Variants in ABCC12 observed in about 807,000 individuals in gnomAD.
The protein encoded by ABCC12 is ATP-binding cassette sub-family C member 12.
In ABCC12, 142 loss-of-function variants were observed where a neutral mutation model predicts 151.1. The observed-to-expected ratio is 0.94, with a 90% CI of 0.82 to 1.08. The LOEUF is 1.08. ABCC12 is among the 50% of genes least tolerant of loss of function. The pLI is 0.00. For synonymous variants in ABCC12, 645 were observed against 646.4 expected, an observed-to-expected ratio of 1.00 and a Z score of 0.03; for missense variants, 1,638 against 1,691.1, an observed-to-expected ratio of 0.97 and a Z score of 0.55.
chr16:48,140,587 C>G, intron 6 of ABCC12, 100 bp downstream of exon 6: 1 of 1,182,386 alleles, frequency 8.5e-7, no homozygotes, highest in Non-Finnish European at 1.2e-6. Flanking sequence ...CATAGACAAG[C>G]AAAAGGAAGG....
intron 1 of ABCC12, among the ~76,000 whole-genome samples, chr16:48,154,369 C>T (rs1007734810): frequency 2.0e-5 from 3 of 151,810 alleles, no homozygotes; most frequent in South Asian, 2.1e-4. Context: ...GGAGATACCA[C>T]ATTAAAAAAA....
intron 9 of ABCC12, among the ~76,000 whole-genome samples, 159 bp from the exon 10 acceptor site, chr16:48,131,054 G>A (rs549598463): frequency 6.6e-6 from 1 of 152,320 alleles, no homozygotes; most frequent in Non-Finnish European, 1.5e-5. Flanking sequence ...AGAAACCATC[G>A]GTTGGCCAGC....
rs746792721 is a variant in ABCC12 at position 48,155,939 on chromosome 16, G to A, written c.-418C>T. 4 of 152,364 alleles carry A rather than the reference G, an allele frequency of 2.6e-5. No homozygotes were observed. The highest frequency in any genetic ancestry group is 5.9e-5 in the Non-Finnish European group (4 of 68,174). 9.4% of individuals were successfully genotyped at this position (152,364 alleles called of 1,614,324 possible). On this transcript the variant is annotated 5_prime_UTR_variant, in exon 1 of 31. Coordinates refer to ENST00000311303, the MANE Select transcript of ABCC12 (RefSeq NM_001393797.1). ...GACTCCAGGGCCTGCTTCTCCCCAAGGACCTCAGATTCAGTTTCTCTTGTC... is the reference window on the plus strand; with the variant it reads ...GACTCCAGGGCCTGCTTCTCCCCAAAGACCTCAGATTCAGTTTCTCTTGTC...
At position 48,140,780 on chromosome 16, in the gene ABCC12, G is replaced by A. The variant is rs1390897070; in HGVS notation, c.564C>T (p.Tyr188=). 6.2e-7 allele frequency: 1 copy of A among 1,614,234 alleles called. No homozygotes were observed. The highest frequency in any genetic ancestry group is 1.6e-4 in the Middle Eastern group (1 of 6,062). ...FFWALAWAIN[Y]RTAIRLKVAL... ...CCACCTTCAACCGGATGGCCGTGCG[G>A]TAGTTGATGGCCCAGGCAAGGGCCC... Residue 188 remains tyrosine, a synonymous_variant, in exon 6 of 31, where the codon TAC becomes TAT. Transcript: ENST00000311303.
chr16:48,083,733 T>A lies in ABCC12; in HGVS notation c.4062A>T (p.Ala1354=). 6.2e-7 allele frequency: 1 copy of A among 1,614,238 alleles called. No homozygotes were observed. Among genetic ancestry groups the A allele is most frequent in the East Asian group, 2.2e-5 (1 of 44,890 alleles). ...AGGACCTCTACAATCTGACTTCTGC[T>A]GCTAGTAACATCGCAAATGCAGAAT... ...KPDSAFAMLL[A]AEVRL is the part of the protein sequence containing the mutation. Residue 1354 remains alanine (A), a synonymous_variant, in exon 31 of 31, where the codon GCA becomes GCT. Coordinates refer to ENST00000311303, the MANE Select transcript of ABCC12 (RefSeq NM_001393797.1).
intron 18 of ABCC12, among the ~76,000 whole-genome samples, chr16:48,109,025 G>A (rs1410694961): frequency 6.6e-6 from 1 of 152,154 alleles, no homozygotes; most frequent in Non-Finnish European, 1.5e-5. Context: ...ATTCCTATTG[G>A]CCTTGGGGTG....
At chr16:48,115,688 T>A (rs1402810317) in intron 14 of ABCC12, 70 bp from the exon 15 acceptor site, 1 of 1,468,804 alleles carries the variant, frequency 6.8e-7, no homozygotes, top group Non-Finnish European at 9.2e-7. Context: ...GGAAGCTTCC[T>A]GGAGCTTCTC....
At chr16:48,120,574 G>A (rs993887022) in intron 13 of ABCC12, among the ~76,000 whole-genome samples, 1 of 84,602 alleles carries the variant, frequency 1.2e-5, no homozygotes, top group Non-Finnish European at 2.5e-5. Flanking sequence ...TTTTTTTTTT[G>A]AGAAGGAGTC....
chr16:48,089,139 G>A (rs1218838393), intron 25 of ABCC12, among the ~76,000 whole-genome samples: 2 of 152,188 alleles, frequency 1.3e-5, no homozygotes, highest in Admixed American at 1.3e-4. Context: ...AAAGGCCCTG[G>A]GGCCAGAATG....
intron 7 of ABCC12, 140 bp downstream of exon 7, chr16:48,139,023 C>T (rs1444151835): frequency 2.9e-6 from 3 of 1,029,038 alleles, no homozygotes; most frequent in Non-Finnish European, 4.2e-6. Context: ...AACCACTACT[C>T]TGTGCCAAAG....
At chr16:48,144,101 T>C (rs1964920053) in intron 3 of ABCC12, 36 bp from the exon 4 acceptor site, 1 of 1,587,750 alleles carries the variant, frequency 6.3e-7, no homozygotes, top group Non-Finnish European at 8.6e-7. Context: ...TTCCAGGCAC[T>C]GGGGTCATTG....
At position 48,143,477 on chromosome 16, in the gene ABCC12, A is replaced by G. The variant is rs117098712; in HGVS notation, c.275+433T>C. On this transcript the variant is annotated intron_variant, in intron 4 of 30. Transcript: ENST00000311303. ...GAAGCACACAACTAGGGAGCACACA[A>G]AAGAGTTTATGGGACCCCTTCCTTA... 7.6e-3 allele frequency among the ~76,000 whole-genome samples: 1,150 copies of G among 152,304 alleles called. 9 individuals carry two copies. The highest frequency in any genetic ancestry group is 0.013 in the Non-Finnish European group (860 of 68,014).
rs1962725732 is a variant in ABCC12, at chr16:48,088,546, G to A, written c.3474C>T (p.Ser1158=). The A allele has an allele frequency of 7.4e-6, 12 of 1,613,286 alleles. No individual in the cohort carries two copies. The highest frequency in any genetic ancestry group is 1.3e-5 in the African/African-American group (1 of 74,904). The part of the protein sequence containing the change: ...QTVGIVGRTG[S]GKSSLGMALF... Reference sequence around the variant, plus strand: ...AACAAAAGCAGAGCTTGTCCTCACCGGAACCTGTTCTTCCAACAATCCCGA... The same window carrying A: ...AACAAAAGCAGAGCTTGTCCTCACCAGAACCTGTTCTTCCAACAATCCCGA... Residue 1158 remains serine, a splice_region_variant and synonymous_variant, in exon 26 of 31, where the codon TCC becomes TCT. Transcript: ENST00000311303.
intron 20 of ABCC12, among the ~76,000 whole-genome samples, chr16:48,106,812 G>C (rs779450070): frequency 1.3e-4 from 20 of 152,204 alleles, no homozygotes; most frequent in Non-Finnish European, 2.2e-4. Flanking sequence ...TTCCCAGGAA[G>C]GGCCCTGCAG....
intron 2 of ABCC12, among the ~76,000 whole-genome samples, chr16:48,147,186 T>C (rs971277226): frequency 1.3e-5 from 2 of 152,098 alleles, no homozygotes; most frequent in Admixed American, 1.3e-4. Flanking sequence ...AGGACACTTT[T>C]TGCAATGTCT....
intron 22 of ABCC12, among the ~76,000 whole-genome samples, chr16:48,101,708 C>T (rs1333395703): frequency 6.6e-6 from 1 of 152,038 alleles, no homozygotes; most frequent in African/African-American, 2.4e-5. Flanking sequence ...ATAATTCAAG[C>T]AGGACGAGCT....
At chr16:48,085,420 A>G (rs564498763) in intron 29 of ABCC12, among the ~76,000 whole-genome samples, 173 bp downstream of exon 29, 1 of 152,258 alleles carries the variant, frequency 6.6e-6, no homozygotes, top group Non-Finnish European at 1.5e-5. Context: ...AATGGCTGTT[A>G]CTTTTCAATT....
At chr16:48,109,707 A>G (rs1963620161) in intron 18 of ABCC12, among the ~76,000 whole-genome samples, 1 of 152,164 alleles carries the variant, frequency 6.6e-6, no homozygotes, top group Non-Finnish European at 1.5e-5. Context: ...GAAACTGCAA[A>G]ATGAGGGAGA....
chr16:48,108,330 A>G, intron 19 of ABCC12, 110 bp downstream of exon 19: 1 of 997,286 alleles, frequency 1.0e-6, no homozygotes, highest in Non-Finnish European at 1.5e-6. Context: ...AAATGGCCCT[A>G]GCATAAACAG....
Sources: allele counts gnomAD v4.1 joint callset (sites outside exome capture counted in the v4.1 genomes callset), GRCh38; gene constraint gnomAD v4.1.1; transcripts MANE v1.5; gene names NCBI Gene and HGNC (gene_info 2026-07-23, HGNC 2026-07-21).